Variants in CACNA1D observed in about 807,000 individuals in gnomAD.
CACNA1D encodes voltage-dependent L-type calcium channel subunit alpha-1D.
Under a neutral mutation model 257.1 loss-of-function variants are expected in CACNA1D, and 55 were observed. The ratio of observed to expected loss-of-function variants is 0.21; its 90% CI spans 0.17 to 0.27. The LOEUF (loss-of-function observed/expected upper bound fraction) is 0.27, where lower values mean the gene tolerates loss of function less well. Ranked by LOEUF, CACNA1D falls within the 10% of genes least tolerant of loss-of-function variation. The pLI, the probability that CACNA1D is intolerant of heterozygous loss-of-function variation, is 1.00. For missense variants in CACNA1D, 1,876 were observed against 2,784.0 expected (o/e 0.67, Z 7.34); for synonymous variants, 980 against 1,014.9 (o/e 0.97, Z 0.65).
In CACNA1D at chr3:53,719,740, T is replaced by C; in HGVS notation, c.1479-15T>C. On this transcript the variant is annotated splice_polypyrimidine_tract_variant and intron_variant, in intron 10 of 47. Coordinates refer to ENST00000350061, the MANE Select transcript of CACNA1D (RefSeq NM_001128840.3). Reference sequence around the variant, plus strand: ...CTCGGAACCAGAATCTTAACACTTTTTGTCTTTCTTTCAGTCAAGCCATCT... The same window carrying C: ...CTCGGAACCAGAATCTTAACACTTTCTGTCTTTCTTTCAGTCAAGCCATCT... 1.2e-6 allele frequency: 2 copies of C among 1,612,950 alleles called. No individual in the cohort carries two copies. Among genetic ancestry groups the C allele is most frequent in the Non-Finnish European group, 1.7e-6 (2 of 1,178,866 alleles).
At position 53,800,269 on chromosome 3, in the gene CACNA1D, T is replaced by G. The variant is rs1051389374; in HGVS notation, c.4944T>G (p.His1648Gln). 1 of 1,613,784 alleles carries G rather than the reference T, an allele frequency of 6.2e-7. No individual in the cohort carries two copies. The highest frequency in any genetic ancestry group is 1.3e-5 in the African/African-American group (1 of 75,016). ...IALQAGLRTL[H>Q]DIGPEIRRAI... ...TCTAGGCGGGATTAAGGACACTGCA[T>G]GACATTGGGCCAGAAATCCGGCGTG... The change falls in exon 41 of 48, where the codon CAT becomes CAG. Residue 1648 changes from histidine to glutamine, a missense_variant. Physicochemically the swap from His to Gln is conservative, Grantham distance 24. Around this residue, in one of 10 missense-constraint regions of CACNA1D, gnomAD observed 160 missense variants for 236.6 expected, o/e 0.68. Coordinates refer to ENST00000350061, the MANE Select transcript of CACNA1D (RefSeq NM_001128840.3). This position sits in a 1 kb window ranked among gnomAD's most constrained non-coding sequence, Gnocchi z 4.3.
chr3:53,718,653 T>G (rs2094847660), intron 10 of CACNA1D: 4 of 1,364,294 alleles, frequency 2.9e-6, no homozygotes, highest in Non-Finnish European at 3.9e-6. Context: ...AATGTGGTGG[T>G]TAACCTGGCC....
At chr3:53,530,135 G>A (rs1346437710) in intron 3 of CACNA1D, among the ~76,000 whole-genome samples, 1 of 152,228 alleles carries the variant, frequency 6.6e-6, no homozygotes, top group East Asian at 1.9e-4. Flanking sequence ...GTGTAACTCA[G>A]AGCAGAGGTA....
chr3:53,798,318 T>TGTGTGTGTGCGTGTGTGTGC, intron 40 of CACNA1D, among the ~76,000 whole-genome samples: 1 of 149,358 alleles, frequency 6.7e-6, no homozygotes, highest in South Asian at 2.1e-4. Context: ...CGTGTGTGTG[T>TGTGTGTGTGCGTGTGTGTGC]GTGTGTGTGC....
chr3:53,776,911 T>A lies in CACNA1D; in HGVS notation c.4542T>A (p.Pro1514=). ...DVVTLLRRIQ[P]PLGFGKLCPH... ...TCACTCTGCTTCGACGCATCCAGCC[T>A]CCCCTGGGGTTTGGGAAGTTATGTC... The change falls in exon 37 of 48, where the codon CCT becomes CCA. Residue 1514 remains proline, a synonymous_variant. Coordinates refer to ENST00000350061, the MANE Select transcript of CACNA1D (RefSeq NM_001128840.3). The A allele has an allele frequency of 1.2e-6, 2 of 1,614,166 alleles. No homozygotes were observed. The highest frequency in any genetic ancestry group is 1.7e-6 in the Non-Finnish European group (2 of 1,180,016).
chr3:53,547,147 A>G (rs1453653148), intron 3 of CACNA1D, among the ~76,000 whole-genome samples: 1 of 152,208 alleles, frequency 6.6e-6, no homozygotes, highest in Non-Finnish European at 1.5e-5. Flanking sequence ...CAGCAGTACA[A>G]CTAGGTGTCT....
chr3:53,690,754 C>T (rs1360770825), intron 8 of CACNA1D, among the ~76,000 whole-genome samples: 3 of 152,196 alleles, frequency 2.0e-5, no homozygotes, highest in Admixed American at 6.5e-5. Context: ...CCACAGTGCT[C>T]CTCCACAGTG....
intron 8 of CACNA1D, among the ~76,000 whole-genome samples, chr3:53,693,330 C>G (rs1013184201): frequency 1.3e-5 from 2 of 152,190 alleles, no homozygotes; most frequent in African/African-American, 4.8e-5. Flanking sequence ...AGAGAACATC[C>G]TTTGGCTATC....
intron 14 of CACNA1D, among the ~76,000 whole-genome samples, chr3:53,726,622 C>T (rs571242246): frequency 3.3e-5 from 5 of 152,086 alleles, no homozygotes; most frequent in South Asian, 2.1e-4. Flanking sequence ...GGCAATAGAG[C>T]GAGACTCCAT....
At chr3:53,590,737 C>G (rs116429086) in intron 3 of CACNA1D, among the ~76,000 whole-genome samples, 1 of 152,190 alleles carries the variant, frequency 6.6e-6, no homozygotes, top group Non-Finnish European at 1.5e-5. Flanking sequence ...CGGGCACCCT[C>G]TCGTTTCCTC....
chr3:53,531,971 G>A (rs1463370662), intron 3 of CACNA1D, among the ~76,000 whole-genome samples: 1 of 152,192 alleles, frequency 6.6e-6, no homozygotes, highest in Non-Finnish European at 1.5e-5. Flanking sequence ...CTACACCAGG[G>A]ATCCCCTCGG....
chr3:53,647,956 A>T (rs1208134754), intron 3 of CACNA1D, among the ~76,000 whole-genome samples: 1 of 152,258 alleles, frequency 6.6e-6, no homozygotes, highest in Non-Finnish European at 1.5e-5. Context: ...AAATTCTTTA[A>T]AAAGCAGGGA....
chr3:53,655,775 A>G (rs1240566148), intron 4 of CACNA1D, among the ~76,000 whole-genome samples: 1 of 151,966 alleles, frequency 6.6e-6, no homozygotes, highest in East Asian at 1.9e-4. Flanking sequence ...AGAAGCTCTT[A>G]AGTTTAATTA....
At chr3:53,633,023 C>T (rs1011548394) in intron 3 of CACNA1D, among the ~76,000 whole-genome samples, 2 of 152,244 alleles carry the variant, frequency 1.3e-5, no homozygotes, top group African/African-American at 4.8e-5. Flanking sequence ...CTTGTTGCAG[C>T]ATTGCCACGG....
In CACNA1D at chr3:53,724,972, TA is replaced by T. The variant is rs796157391; in HGVS notation, c.2100+982del. Among the ~76,000 whole-genome samples, 60 of 146,966 alleles carry T rather than the reference TA, an allele frequency of 4.1e-4. No individual in the cohort carries two copies. In the South Asian group the frequency reaches 6.7e-3, roughly 16 times the overall value. ...TGGCTGCTGATCAGTGATTCTTTTT[TA>T]AAAAAAAATTTCTTTCAGAGAAACT... On this transcript the variant is annotated intron_variant, in intron 14 of 47. Coordinates refer to ENST00000350061, the MANE Select transcript of CACNA1D (RefSeq NM_001128840.3).
At chr3:53,802,908 A>G (rs2095543450) in intron 43 of CACNA1D, among the ~76,000 whole-genome samples, 1 of 152,272 alleles carries the variant, frequency 6.6e-6, no homozygotes, top group South Asian at 2.1e-4. Flanking sequence ...AACATGGTGG[A>G]CATGTTCTGT....
At chr3:53,565,608 G>A (rs978021921) in intron 3 of CACNA1D, among the ~76,000 whole-genome samples, 9 of 152,128 alleles carry the variant, frequency 5.9e-5, no homozygotes, top group South Asian at 4.1e-4. Context: ...GTTCAGTTGC[G>A]CTGATAATTC....
chr3:53,773,608 C>T (rs1444778926), intron 33 of CACNA1D: 1 of 152,046 alleles, frequency 6.6e-6, no homozygotes, highest in Non-Finnish European at 1.5e-5. Flanking sequence ...GGATGTAAGT[C>T]AGAAAGAAGT....
At chr3:53,776,999 G>A (rs2095401620) in intron 37 of CACNA1D, 43 bp downstream of exon 37, 1 of 1,461,028 alleles carries the variant, frequency 6.8e-7, no homozygotes, top group South Asian at 1.1e-5. Flanking sequence ...TCTTGTAGAA[G>A]CTTGCTTCAT....
Sources: gnomAD v4.1 joint callset for allele counts (sites outside exome capture counted in the v4.1 genomes callset) on GRCh38, gnomAD v4.1.1 for gene constraint, gnomAD v4.1.1 regional missense constraint, Gnocchi (gnomAD v3.1) non-coding constraint, MANE v1.5 for transcripts, NCBI Gene and HGNC (gene_info 2026-07-23, HGNC 2026-07-21) for gene names.